The following GALNTL6 variants were observed in gnomAD, a reference collection of about 807,000 sequenced individuals.
The protein encoded by GALNTL6 is polypeptide N-acetylgalactosaminyltransferase-like 6.
Under a neutral mutation model 73.7 loss-of-function variants are expected in GALNTL6, and 46 were observed. The ratio of observed to expected loss-of-function variants is 0.62; its 90% CI spans 0.49 to 0.80. GALNTL6 has a LOEUF of 0.80. Ranked by LOEUF, GALNTL6 falls within the 30% of genes least tolerant of loss-of-function variation. The pLI, the probability that GALNTL6 is intolerant of heterozygous loss-of-function variation, is 0.00. For missense variants in GALNTL6, 604 were observed against 755.0 expected, an observed-to-expected ratio of 0.80 and a Z score of 2.34; for synonymous variants, 259 against 263.7, an observed-to-expected ratio of 0.98 and a Z score of 0.17.
chr4:172,294,600 T>C (rs1739597243), intron 3 of GALNTL6, among the ~76,000 whole-genome samples: 1 of 152,054 alleles, frequency 6.6e-6, no homozygotes, highest in Non-Finnish European at 1.5e-5. Context: ...AGAAATTCTG[T>C]AGTACATAAA....
intron 4 of GALNTL6, among the ~76,000 whole-genome samples, chr4:172,328,165 G>T (rs1948995): frequency 0.56 from 84,982 of 151,914 alleles, 26,500 homozygotes; most frequent in Non-Finnish European, 0.7. Flanking sequence ...GGCTGGATAT[G>T]AAATTCTTGG....
At chr4:172,190,443 G>A (rs1735541957) in intron 2 of GALNTL6, among the ~76,000 whole-genome samples, 1 of 152,126 alleles carries the variant, frequency 6.6e-6, no homozygotes. Context: ...TTCAACTATA[G>A]TAGAGGGATT....
intron 5 of GALNTL6, among the ~76,000 whole-genome samples, chr4:172,370,787 G>C (rs1387163425): frequency 6.6e-6 from 1 of 152,116 alleles, no homozygotes; most frequent in South Asian, 2.1e-4. Context: ...TTTCTCAGCA[G>C]GGGGGAGGTC....
chr4:172,736,675 C>T (rs1736486080), intron 5 of GALNTL6, among the ~76,000 whole-genome samples: 2 of 152,184 alleles, frequency 1.3e-5, no homozygotes, highest in Non-Finnish European at 2.9e-5. Flanking sequence ...GAAATCTTCA[C>T]AATTTATGTT....
intron 2 of GALNTL6, among the ~76,000 whole-genome samples, chr4:172,133,360 C>G: frequency 6.6e-6 from 1 of 152,110 alleles, no homozygotes; most frequent in East Asian, 1.9e-4. Flanking sequence ...GTTGTTCCAT[C>G]TATGTAGAAA....
At chr4:171,875,686 G>A (rs1022298957) in intron 2 of GALNTL6, among the ~76,000 whole-genome samples, 120 of 151,420 alleles carry the variant, frequency 7.9e-4, no homozygotes, top group African/African-American at 2.7e-3. Context: ...TTTTAACTGT[G>A]GAATGGGCAA....
chr4:172,679,537 G>A (rs537888825), intron 5 of GALNTL6, among the ~76,000 whole-genome samples: 1 of 152,162 alleles, frequency 6.6e-6, no homozygotes, highest in East Asian at 1.9e-4. Context: ...TGCTTCTGAA[G>A]TTGCTTGCTT....
At chr4:172,355,998 C>T (rs1742141636) in intron 5 of GALNTL6, among the ~76,000 whole-genome samples, 1 of 152,128 alleles carries the variant, frequency 6.6e-6, no homozygotes, top group Admixed American at 6.6e-5. Flanking sequence ...TAGAGAAAAG[C>T]ATCAGGTGTT....
At chr4:172,330,751 T>C (rs1011841406) in intron 4 of GALNTL6, among the ~76,000 whole-genome samples, 13 of 152,174 alleles carry the variant, frequency 8.5e-5, no homozygotes, top group African/African-American at 3.1e-4. Flanking sequence ...AATTTTCCAT[T>C]TCTTCAAATG....
At chr4:172,087,300 C>A (rs137960764) in intron 2 of GALNTL6, among the ~76,000 whole-genome samples, 2,233 of 151,880 alleles carry the variant, frequency 0.015, 51 homozygotes, top group African/African-American at 0.051. Flanking sequence ...AAAAAATTAG[C>A]CGGGCGTGGG....
intron 5 of GALNTL6, among the ~76,000 whole-genome samples, chr4:172,603,387 C>T (rs1456847503): frequency 6.6e-6 from 1 of 152,120 alleles, no homozygotes; most frequent in African/African-American, 2.4e-5. Context: ...GAGGCCATAC[C>T]GTCCCACAGG....
chr4:172,442,824 C>T (rs1362412402), intron 5 of GALNTL6, among the ~76,000 whole-genome samples: 1 of 151,714 alleles, frequency 6.6e-6, no homozygotes, highest in Admixed American at 6.6e-5. Context: ...CAATTGATGG[C>T]AGGGAATTTC....
At chr4:172,519,862 T>G (rs906662640) in intron 5 of GALNTL6, among the ~76,000 whole-genome samples, 6 of 151,730 alleles carry the variant, frequency 4.0e-5, no homozygotes, top group African/African-American at 1.5e-4. Flanking sequence ...AAATGTCACA[T>G]GTAGAAAATA....
chr4:172,478,318 T>G (rs1375001588), intron 5 of GALNTL6, among the ~76,000 whole-genome samples: 1 of 152,132 alleles, frequency 6.6e-6, no homozygotes, highest in Non-Finnish European at 1.5e-5. Flanking sequence ...AGTAGACACT[T>G]AGACCAGTGG....
At chr4:172,351,030 G>A (rs1741921872) in intron 5 of GALNTL6, among the ~76,000 whole-genome samples, 1 of 152,132 alleles carries the variant, frequency 6.6e-6, no homozygotes, top group Non-Finnish European at 1.5e-5. Flanking sequence ...CGCCATGGAT[G>A]TTTCAGTGAA....
chr4:172,281,109 C>T (rs867108102), intron 3 of GALNTL6, among the ~76,000 whole-genome samples: 1 of 151,996 alleles, frequency 6.6e-6, no homozygotes, highest in Middle Eastern at 3.4e-3. Context: ...GCGGAGCTTG[C>T]AATGAACCGA....
At chr4:172,297,100 C>T (rs936061259) in intron 3 of GALNTL6, among the ~76,000 whole-genome samples, 33 of 152,318 alleles carry the variant, frequency 2.2e-4, no homozygotes, top group African/African-American at 7.9e-4. Context: ...TTGCATTTCT[C>T]TGATGGCCAG....
chr4:172,900,645 A>G (rs1408044447), intron 8 of GALNTL6, among the ~76,000 whole-genome samples: 2 of 152,192 alleles, frequency 1.3e-5, no homozygotes, highest in Non-Finnish European at 2.9e-5. Flanking sequence ...GCATTAAAGC[A>G]TTAAAGAAAA....
chr4:171,937,703 G>A (rs1049010689), intron 2 of GALNTL6, among the ~76,000 whole-genome samples: 1 of 152,114 alleles, frequency 6.6e-6, no homozygotes, highest in African/African-American at 2.4e-5. Flanking sequence ...TGATCAAAGA[G>A]TCTTCCAGAA....
Sources: gnomAD v4.1 joint callset for allele counts (sites outside exome capture counted in the v4.1 genomes callset) on GRCh38, gnomAD v4.1.1 for gene constraint, MANE v1.5 for transcripts, NCBI Gene and HGNC (gene_info 2026-07-23, HGNC 2026-07-21) for gene names.